The following INVS variants were observed in gnomAD, a reference collection of about 807,000 sequenced individuals.
The protein encoded by INVS is inversin.
INVS carries 86 observed loss-of-function variants against 108.8 expected under a neutral mutation model. The ratio of observed to expected loss-of-function variants is 0.79; its 90% CI spans 0.66 to 0.95. The LOEUF (loss-of-function observed/expected upper bound fraction) is 0.95. Ranked by LOEUF, INVS falls within the 40% of genes least tolerant of loss-of-function variation. The pLI, the probability that INVS is intolerant of heterozygous loss-of-function variation, is 0.00. For synonymous variants in INVS, 455 were observed against 473.5 expected, an observed-to-expected ratio of 0.96 and a Z score of 0.51; for missense variants, 1,169 against 1,297.4, an observed-to-expected ratio of 0.90 and a Z score of 1.52.
At chr9:100,152,056 T>C (rs914385694) in intron 3 of INVS, among the ~76,000 whole-genome samples, 1 of 152,228 alleles carries the variant, frequency 6.6e-6, no homozygotes, top group African/African-American at 2.4e-5. Context: ...ATTTTGAACT[T>C]TCCCAGACAT....
At chr9:100,124,530 A>G (rs1446863328) in intron 2 of INVS, among the ~76,000 whole-genome samples, 1 of 148,942 alleles carries the variant, frequency 6.7e-6, no homozygotes, top group East Asian at 1.9e-4. Context: ...CCTGGGCAAC[A>G]CAGTGAGACC....
At chr9:100,176,006 A>G (rs1468064428) in intron 3 of INVS, 2 of 543,996 alleles carry the variant, frequency 3.7e-6, no homozygotes, top group Admixed American at 1.9e-5. Flanking sequence ...TCCACAAACC[A>G]TAGATTTATT....
rs117893744 is a variant in INVS at position 100,139,458 on chromosome 9, A to G, written c.273+12909A>G. Among the ~76,000 whole-genome samples, 42 of 152,314 alleles carry G rather than the reference A, an allele frequency of 2.8e-4. No individual in the cohort carries two copies. The East Asian group carries it at 7.5e-3, about 27-fold the overall frequency. On this transcript the variant is annotated intron_variant, in intron 3 of 16. Coordinates refer to ENST00000262457, the MANE Select transcript of INVS (RefSeq NM_014425.5). ...CCCTCAAATATTTGTCTCTAGCCCT[A>G]GCCTCTCCCCTTATTCCAGACTTAT...
intron 2 of INVS, chr9:100,117,534 G>T: frequency 1.9e-6 from 2 of 1,048,152 alleles, no homozygotes; most frequent in Non-Finnish European, 2.9e-6. Flanking sequence ...CCCCGGCCCC[G>T]GATGCCACTG....
chr9:100,111,302 G>T (rs543067274), intron 2 of INVS, among the ~76,000 whole-genome samples: 64 of 152,354 alleles, frequency 4.2e-4, no homozygotes, highest in African/African-American at 1.4e-3. Flanking sequence ...ATAACTGCAA[G>T]TGACAGTCAT....
Position 100,272,898 on chromosome 9 carries a change from C to T in INVS, c.1606C>T (p.Arg536Cys), listed in dbSNP as rs1228736160. ...CCTTGATTATGCTTTGCTTGGTGAG[C>T]GCCATGAAGTGATCCAGTTCATGTT... ...TPLDYALLGE[R>C]HEVIQFMLEH... is the part of the protein sequence containing the mutation. The change falls in exon 12 of 17, where the codon CGC becomes TGC. Residue 536 changes from arginine to cysteine, a missense_variant. Arg to Cys is a radical substitution (Grantham distance 180). Around this residue, in one of 3 missense-constraint regions of INVS, gnomAD observed 271 missense variants for 363.8 expected, o/e 0.74. Transcript: ENST00000262457. 1.9e-5 allele frequency: 31 copies of T among 1,613,922 alleles called. No homozygotes were observed. Among genetic ancestry groups the T allele is most frequent in the East Asian group, 8.9e-5 (4 of 44,892 alleles).
At chr9:100,234,402 G>A (rs964267267) in intron 5 of INVS, among the ~76,000 whole-genome samples, 1 of 152,080 alleles carries the variant, frequency 6.6e-6, no homozygotes, top group Non-Finnish European at 1.5e-5. Flanking sequence ...CTTGTCTTCT[G>A]TTAGGTTTTT....
intron 14 of INVS, among the ~76,000 whole-genome samples, chr9:100,295,534 G>A (rs1485322550): frequency 6.6e-6 from 1 of 152,152 alleles, no homozygotes; most frequent in Non-Finnish European, 1.5e-5. Context: ...TGAGGGCTGG[G>A]GCAGGGGTCA....
intron 3 of INVS, chr9:100,129,810 A>G: frequency 3.6e-6 from 2 of 551,256 alleles, no homozygotes; most frequent in East Asian, 3.0e-5. Flanking sequence ...GCAAAAGAAT[A>G]CAACCCTAAC....
chr9:100,214,840 C>G (rs1830936992), intron 3 of INVS: 1 of 152,212 alleles, frequency 6.6e-6, no homozygotes, highest in South Asian at 2.1e-4. Flanking sequence ...TGCCAGGATG[C>G]ACTTGCGGAT....
intron 3 of INVS, chr9:100,176,188 T>G (rs1264044316): frequency 1.8e-5 from 6 of 340,448 alleles, no homozygotes; most frequent in Non-Finnish European, 3.4e-5. Flanking sequence ...TTTGTTTCCT[T>G]TATGCCTATC....
chr9:100,288,968 TG>T (rs11348745), intron 13 of INVS, among the ~76,000 whole-genome samples: 28,270 of 152,110 alleles, frequency 0.19, 3,187 homozygotes, highest in African/African-American at 0.32. Context: ...ACTCTTTTGC[TG>T]GTTGGAAAGA....
chr9:100,194,583 A>G (rs1830319551), intron 3 of INVS, among the ~76,000 whole-genome samples: 1 of 151,372 alleles, frequency 6.6e-6, no homozygotes, highest in South Asian at 2.1e-4. Context: ...AGCCTTATTT[A>G]ACTGGCTAAC....
chr9:100,261,488 C>A (rs147761829), intron 10 of INVS, among the ~76,000 whole-genome samples: 1 of 151,952 alleles, frequency 6.6e-6, no homozygotes, highest in African/African-American at 2.4e-5. Flanking sequence ...AGGATGGTCT[C>A]GATCTCCTGA....
At chr9:100,284,903 C>T (rs975390140) in intron 13 of INVS, among the ~76,000 whole-genome samples, 2 of 152,046 alleles carry the variant, frequency 1.3e-5, no homozygotes, top group Non-Finnish European at 2.9e-5. Context: ...TCCACTTTTA[C>T]GTTTCATTGC....
At chr9:100,281,389 G>A (rs1339382084) in intron 12 of INVS, among the ~76,000 whole-genome samples, 2 of 152,192 alleles carry the variant, frequency 1.3e-5, no homozygotes, top group African/African-American at 2.4e-5. Flanking sequence ...GTGGGGTCAC[G>A]TTCAACTCTC....
intron 4 of INVS, among the ~76,000 whole-genome samples, chr9:100,226,773 A>G (rs2118408214): frequency 6.9e-6 from 1 of 145,134 alleles, no homozygotes; most frequent in Admixed American, 7.3e-5. Context: ...AGATAGTGCC[A>G]CTGAACTCCA....
chr9:100,099,268 G>A lies in INVS; in HGVS notation c.-173G>A, dbSNP rs2118776995. Reference sequence around the variant, plus strand: ...AGAAGGATGTGCGGCCGAAAGCCTCGGGCGGCCTTTTGAGGGGCTCGGCTA... The same window carrying A: ...AGAAGGATGTGCGGCCGAAAGCCTCAGGCGGCCTTTTGAGGGGCTCGGCTA... On this transcript the variant is annotated 5_prime_UTR_variant, in exon 1 of 17. Coordinates refer to ENST00000262457, the MANE Select transcript of INVS (RefSeq NM_014425.5). The A allele has an allele frequency of 6.1e-6, 1 of 162,668 alleles. No individual in the cohort carries two copies. The highest frequency in any genetic ancestry group is 1.3e-4 in the South Asian group (1 of 7,796). 10.1% of individuals were successfully genotyped at this position (162,668 alleles called of 1,614,324 possible). A position where few individuals can be genotyped will look rare whatever the true frequency, so the allele number is the denominator to read the frequency against.
intron 12 of INVS, among the ~76,000 whole-genome samples, chr9:100,279,859 A>T (rs1282608187): frequency 6.6e-6 from 1 of 152,186 alleles, no homozygotes; most frequent in Non-Finnish European, 1.5e-5. Flanking sequence ...AAAGTGGGCA[A>T]ATAGAACTCT....
Sources: gnomAD v4.1 joint callset for allele counts (sites outside exome capture counted in the v4.1 genomes callset) on GRCh38, gnomAD v4.1.1 for gene constraint, gnomAD v4.1.1 regional missense constraint, MANE v1.5 for transcripts, NCBI Gene and HGNC (gene_info 2026-07-23, HGNC 2026-07-21) for gene names.